The following CACNB2 variants were observed in gnomAD, a reference collection of about 807,000 sequenced individuals.
The protein encoded by CACNB2 is calcium voltage-gated channel auxiliary subunit beta 2, also known as voltage-dependent L-type calcium channel subunit beta-2.
CACNB2 carries 42 observed loss-of-function variants against 73.3 expected under a neutral mutation model. The ratio of observed to expected loss-of-function variants is 0.57; its 90% CI spans 0.45 to 0.74. The LOEUF (loss-of-function observed/expected upper bound fraction) is 0.74, where lower values mean the gene tolerates loss of function less well. Among genes scored for constraint, CACNB2 ranks in the 30% least tolerant of loss-of-function variants. CACNB2 has a pLI of 0.00. For synonymous variants in CACNB2, 348 were observed against 310.3 expected, an observed-to-expected ratio of 1.12 and a Z score of -1.28; for missense variants, 940 against 853.0, an observed-to-expected ratio of 1.10 and a Z score of -1.27.
At chr10:18,518,837 G>T in intron 8 of CACNB2, 73 bp from the exon 9 acceptor site, 4 of 1,337,914 alleles carry the variant, frequency 3.0e-6, no homozygotes, top group South Asian at 1.2e-5. Flanking sequence ...ATTCCTAAGA[G>T]AAGTAAAATT....
intron 2 of CACNB2, among the ~76,000 whole-genome samples, chr10:18,227,432 A>C (rs1467158547): frequency 6.6e-6 from 1 of 152,160 alleles, no homozygotes; most frequent in Admixed American, 6.5e-5. Context: ...CCAGCTCGGA[A>C]TGAACTGATG....
intron 2 of CACNB2, among the ~76,000 whole-genome samples, chr10:18,283,852 T>C (rs1337363418): frequency 6.6e-6 from 1 of 152,176 alleles, no homozygotes. Flanking sequence ...TTCAAACAAC[T>C]GTGAGCAAAG....
intron 2 of CACNB2, among the ~76,000 whole-genome samples, chr10:18,252,772 T>G (rs1316430224): frequency 6.6e-6 from 1 of 152,206 alleles, no homozygotes; most frequent in Non-Finnish European, 1.5e-5. Context: ...AATTTCAGAC[T>G]TTGCAAGAAA....
At chr10:18,197,257 A>C (rs535206381) in intron 2 of CACNB2, among the ~76,000 whole-genome samples, 1 of 152,304 alleles carries the variant, frequency 6.6e-6, no homozygotes, top group South Asian at 2.1e-4. Flanking sequence ...TGAATGAGCA[A>C]ATCCCTTCCT....
At position 18,432,690 on chromosome 10, in the gene CACNB2, G is replaced by T. The variant is rs989952540; in HGVS notation, c.333+30647G>T. Among the ~76,000 whole-genome samples the T allele has an allele frequency of 1.2e-4, 18 of 151,964 alleles. 1 individual carries two copies. ...CTCTACAAAAAAAATACAAAAACTA[G>T]CCCAGCATGGTGGAGTGTACCTGTA... On this transcript the variant is annotated intron_variant, in intron 3 of 13. Coordinates refer to ENST00000324631, the MANE Select transcript of CACNB2 (RefSeq NM_201596.3).
At chr10:18,184,364 G>A (rs1204919941) in intron 2 of CACNB2, among the ~76,000 whole-genome samples, 2 of 152,116 alleles carry the variant, frequency 1.3e-5, no homozygotes, top group Non-Finnish European at 2.9e-5. Flanking sequence ...TTTACTTTAT[G>A]ACAAGTTTAG....
intron 2 of CACNB2, among the ~76,000 whole-genome samples, chr10:18,364,649 A>G (rs982406525): frequency 4.6e-5 from 7 of 151,072 alleles, no homozygotes; most frequent in African/African-American, 1.7e-4. Context: ...TTCTTTCTAC[A>G]TTTCTCACCC....
At chr10:18,371,428 A>G (rs1415940755) in intron 2 of CACNB2, among the ~76,000 whole-genome samples, 11 of 151,956 alleles carry the variant, frequency 7.2e-5, no homozygotes, top group South Asian at 2.1e-4. Flanking sequence ...TCATTGTTCA[A>G]TTCCCACCTA....
chr10:18,376,373 T>A (rs970556349), intron 2 of CACNB2, among the ~76,000 whole-genome samples: 3 of 151,976 alleles, frequency 2.0e-5, no homozygotes, highest in Non-Finnish European at 2.9e-5. Context: ...GGGGCAGGCA[T>A]TGGGGGACAA....
intron 11 of CACNB2, among the ~76,000 whole-genome samples, chr10:18,534,825 T>G (rs2053407286): frequency 6.6e-6 from 1 of 152,250 alleles, no homozygotes; most frequent in South Asian, 2.1e-4. Context: ...CTAGCCATGT[T>G]TTTCATAGAA....
At chr10:18,289,370 C>T (rs1204584195) in intron 2 of CACNB2, among the ~76,000 whole-genome samples, 1 of 147,342 alleles carries the variant, frequency 6.8e-6, no homozygotes, top group African/African-American at 2.5e-5. Flanking sequence ...TCTCGGCTCA[C>T]TGCAAGCTCC....
At chr10:18,472,376 A>G (rs550108509) in intron 3 of CACNB2, among the ~76,000 whole-genome samples, 32 of 152,026 alleles carry the variant, frequency 2.1e-4, no homozygotes, top group African/African-American at 7.0e-4. Flanking sequence ...AGCTGGGACT[A>G]CAGGTGCACG....
chr10:18,482,722 G>T (rs2048848681), intron 3 of CACNB2, among the ~76,000 whole-genome samples: 1 of 152,096 alleles, frequency 6.6e-6, no homozygotes. Flanking sequence ...ACGTTGGGCA[G>T]GCTGGTCTCG....
chr10:18,233,353 T>G (rs1288843807), intron 2 of CACNB2, among the ~76,000 whole-genome samples: 1 of 152,146 alleles, frequency 6.6e-6, no homozygotes, highest in African/African-American at 2.4e-5. Context: ...GCCACTTTTC[T>G]ATGTTTAGTG....
At chr10:18,299,723 TA>T (rs1050422870) in intron 2 of CACNB2, among the ~76,000 whole-genome samples, 3 of 151,168 alleles carry the variant, frequency 2.0e-5, no homozygotes, top group South Asian at 4.2e-4. Flanking sequence ...AAAATAAAAA[TA>T]AAAAAAAACT....
chr10:18,330,826 G>A (rs1462818421), intron 2 of CACNB2, among the ~76,000 whole-genome samples: 7 of 151,442 alleles, frequency 4.6e-5, no homozygotes, highest in Admixed American at 1.3e-4. Flanking sequence ...CCGCCACCAC[G>A]CCTGGCTGAT....
intron 11 of CACNB2, among the ~76,000 whole-genome samples, chr10:18,535,511 A>G (rs1169328601): frequency 1.3e-5 from 2 of 152,102 alleles, no homozygotes; most frequent in African/African-American, 4.8e-5. Flanking sequence ...AGTGGCTCAT[A>G]CCTGTAATCC....
intron 1 of CACNB2, chr10:18,141,059 T>C (rs2030332525): frequency 1.3e-6 from 2 of 1,547,288 alleles, no homozygotes; most frequent in South Asian, 1.2e-5. Flanking sequence ...CTTCCATTTT[T>C]CTCTGCTTCC....
At chr10:18,347,389 C>T (rs1056374625) in intron 2 of CACNB2, among the ~76,000 whole-genome samples, 1 of 132,864 alleles carries the variant, frequency 7.5e-6, no homozygotes, top group Non-Finnish European at 1.5e-5. Flanking sequence ...TTAGTAGAGA[C>T]CAAGTTGCCC....
Sources: allele counts gnomAD v4.1 joint callset (sites outside exome capture counted in the v4.1 genomes callset), GRCh38; gene constraint gnomAD v4.1.1; transcripts MANE v1.5; gene names NCBI Gene and HGNC (gene_info 2026-07-23, HGNC 2026-07-21).